UBAP2: variants seen among roughly 807,000 people sequenced by gnomAD.
UBAP2 encodes ubiquitin associated protein 2, also known as ubiquitin-associated protein 2.
UBAP2 carries 75 observed loss-of-function variants against 139.6 expected under a neutral mutation model. That is an observed-to-expected ratio of 0.54 (90% CI 0.45 to 0.65). The LOEUF (loss-of-function observed/expected upper bound fraction) is 0.65, where lower values mean the gene tolerates loss of function less well. Among genes scored for constraint, UBAP2 ranks in the 30% least tolerant of loss-of-function variants. The probability of loss-of-function intolerance (pLI) is 0.00; values close to 1 mark genes in which losing one functional copy is unlikely to be tolerated. For missense variants in UBAP2, 1,368 were observed against 1,369.6 expected, an observed-to-expected ratio of 1.00 and a Z score of 0.02; for synonymous variants, 526 against 526.2, an observed-to-expected ratio of 1.00 and a Z score of 0.01.
At chr9:34,034,787 T>C (rs1318446190) in intron 1 of UBAP2, among the ~76,000 whole-genome samples, 2 of 151,994 alleles carry the variant, frequency 1.3e-5, no homozygotes, top group African/African-American at 4.8e-5. Flanking sequence ...GGAGGAGAAT[T>C]GCTTCAACCT....
chr9:33,939,252 G>A (rs896901052), intron 16 of UBAP2, among the ~76,000 whole-genome samples: 3 of 131,432 alleles, frequency 2.3e-5, no homozygotes, highest in Non-Finnish European at 4.6e-5. Flanking sequence ...GGAGTGCAAC[G>A]GTGTGATCTC....
chr9:34,023,009 G>C (rs1001349110), intron 1 of UBAP2, among the ~76,000 whole-genome samples: 1 of 151,948 alleles, frequency 6.6e-6, no homozygotes. Context: ...GGCGGATCAC[G>C]AGGTCAGGAG....
chr9:34,038,802 G>A (rs916572649), intron 1 of UBAP2, among the ~76,000 whole-genome samples: 7 of 151,034 alleles, frequency 4.6e-5, no homozygotes, highest in South Asian at 4.2e-4. Flanking sequence ...AGTGAGGAGC[G>A]CCTCTTCCTG....
intron 8 of UBAP2, among the ~76,000 whole-genome samples, chr9:33,970,901 C>G (rs2131052161): frequency 6.6e-6 from 1 of 152,310 alleles, no homozygotes; most frequent in Non-Finnish European, 1.5e-5. Flanking sequence ...CTCCTGGGTT[C>G]AAGCGATTCT....
At chr9:34,028,126 C>A (rs1004837942) in intron 1 of UBAP2, among the ~76,000 whole-genome samples, 2 of 151,928 alleles carry the variant, frequency 1.3e-5, no homozygotes, top group Non-Finnish European at 2.9e-5. Context: ...AACTCCCCTA[C>A]ACCCACACTT....
rs144986572 is a variant in UBAP2, at chr9:33,923,401, A to G, written c.2874T>C (p.Tyr958=). The change falls in exon 25 of 29, where the codon TAT becomes TAC. Residue 958 remains tyrosine (Y), a synonymous_variant. Coordinates refer to ENST00000379238, the MANE Select transcript of UBAP2 (RefSeq NM_001370062.2). The part of the protein sequence containing the change: ...PTPPFQQASG[Y]GQHGYSTGYD... The stretch of plus-strand genomic sequence containing the variant: ...CACCTGTACTGTAGCCGTGCTGGCC[A>G]TAACCACTGGCCTGCTGGAAGGGAG... 6.3e-5 allele frequency: 102 copies of G among 1,614,052 alleles called. No individual in the cohort carries two copies. Among genetic ancestry groups the G allele is most frequent in the Non-Finnish European group, 8.4e-5 (99 of 1,180,034 alleles).
chr9:33,929,080 C>T (rs1823737061), intron 19 of UBAP2, among the ~76,000 whole-genome samples: 1 of 152,226 alleles, frequency 6.6e-6, no homozygotes, highest in Non-Finnish European at 1.5e-5. Context: ...GAGAGAGCCC[C>T]ACCAGGAGCG....
At chr9:34,028,505 A>T (rs185923820) in intron 1 of UBAP2, among the ~76,000 whole-genome samples, 1 of 151,732 alleles carries the variant, frequency 6.6e-6, no homozygotes, top group Non-Finnish European at 1.5e-5. Context: ...TCAGCCTCCC[A>T]AGTAGCTGGG....
intron 6 of UBAP2, among the ~76,000 whole-genome samples, chr9:33,977,529 G>A (rs1360568278): frequency 6.6e-6 from 1 of 152,040 alleles, no homozygotes; most frequent in African/African-American, 2.4e-5. Flanking sequence ...TAAAGATCCA[G>A]AGTCTTTTAA....
In UBAP2 at chr9:33,941,649, C is replaced by A. The variant is rs748352109; in HGVS notation, c.1929G>T (p.Met643Ile). 10 of 1,613,564 alleles carry A rather than the reference C, an allele frequency of 6.2e-6. No homozygotes were observed. The highest frequency in any genetic ancestry group is 1.6e-4 in the Middle Eastern group (1 of 6,084). Reference protein sequence around the residue: ...SSSESAPGTIMNGHGGGRSQQ... With the variant: ...SSSESAPGTIINGHGGGRSQQ... Reference sequence around the variant, plus strand: ...AGAAAAAAACTAAAATACCACTTACCATGATGGTTCCTGGAGCTGACTCTG... The same window carrying A: ...AGAAAAAAACTAAAATACCACTTACAATGATGGTTCCTGGAGCTGACTCTG... Residue 643 changes from methionine (M) to isoleucine (I), a missense_variant and splice_region_variant, in exon 16 of 29, where the codon ATG becomes ATT. Transcript: ENST00000379238.
In UBAP2 at chr9:33,941,617, T is replaced by A. The variant is rs1225387678; in HGVS notation, c.1929+32A>T. The A allele has an allele frequency of 1.9e-6, 3 of 1,555,132 alleles. No homozygotes were observed. The East Asian group carries it at 6.7e-5, about 35-fold the overall frequency. ...CATTAATTTCCAAATAAGACGGACA[T>A]CTTCTGAGAAAAAAACTAAAATACC... On this transcript the variant is annotated intron_variant, in intron 16 of 28. Transcript: ENST00000379238.
chr9:33,962,289 A>T (rs1443368672), intron 9 of UBAP2, among the ~76,000 whole-genome samples: 1 of 152,188 alleles, frequency 6.6e-6, no homozygotes, highest in Non-Finnish European at 1.5e-5. Context: ...AGTAAGTTAA[A>T]ACAGACTTTT....
At chr9:34,037,850 G>A (rs1334647506) in intron 1 of UBAP2, among the ~76,000 whole-genome samples, 3 of 151,938 alleles carry the variant, frequency 2.0e-5, no homozygotes, top group African/African-American at 7.3e-5. Flanking sequence ...AACCCCGACT[G>A]GATGGGAAAG....
intron 20 of UBAP2, among the ~76,000 whole-genome samples, chr9:33,927,527 C>G (rs1012354426): frequency 9.2e-5 from 14 of 152,208 alleles, no homozygotes; most frequent in African/African-American, 3.4e-4. Context: ...TAAGTCATCC[C>G]TGGCCCCTCC....
rs2131094287 is a variant in UBAP2, at chr9:33,979,913, A to G, written c.521-6676T>C. 1.3e-5 allele frequency among the ~76,000 whole-genome samples: 2 copies of G among 150,574 alleles called. 1 individual carries two copies. The highest frequency in any genetic ancestry group is 4.2e-4 in the South Asian group (2 of 4,732). ...CCGGTGAAACCCCATCTCTACTAAA[A>G]ATACAAAAAATTAGCCGGGCATGGT... On this transcript the variant is annotated intron_variant, in intron 6 of 28. Coordinates refer to ENST00000379238, the MANE Select transcript of UBAP2 (RefSeq NM_001370062.2).
intron 20 of UBAP2, among the ~76,000 whole-genome samples, 196 bp from the exon 21 acceptor site, chr9:33,927,276 T>C (rs958153501): frequency 2.0e-5 from 3 of 152,116 alleles, no homozygotes; most frequent in African/African-American, 2.4e-5. Context: ...ACTGAGGTTG[T>C]TTCAACGTCA....
At chr9:34,001,567 G>A (rs761333556) in intron 2 of UBAP2, among the ~76,000 whole-genome samples, 15 of 152,184 alleles carry the variant, frequency 9.9e-5, no homozygotes, top group Admixed American at 3.3e-4. Context: ...TGGGCAAGCG[G>A]TTTGTGCCCC....
chr9:33,925,683 G>A (rs554860009), intron 22 of UBAP2, among the ~76,000 whole-genome samples: 1 of 152,334 alleles, frequency 6.6e-6, no homozygotes, highest in South Asian at 2.1e-4. Flanking sequence ...AATACGGCCA[G>A]CCAGTGGAAA....
Position 33,963,706 on chromosome 9 carries a change from A to C in UBAP2, c.745+20T>G. On this transcript the variant is annotated intron_variant, in intron 9 of 28. Coordinates refer to ENST00000379238, the MANE Select transcript of UBAP2 (RefSeq NM_001370062.2). ...TATAAGATTCTTAATTTTAAAAATTAAAAAATTAAGTATTCATACCTTTGA... is the reference window on the plus strand; with the variant it reads ...TATAAGATTCTTAATTTTAAAAATTCAAAAATTAAGTATTCATACCTTTGA... 6.7e-7 allele frequency: 1 copy of C among 1,482,634 alleles called. No individual in the cohort carries two copies. Among genetic ancestry groups the C allele is most frequent in the Non-Finnish European group, 9.3e-7 (1 of 1,074,830 alleles). 91.8% of individuals were successfully genotyped at this position (1,482,634 alleles called of 1,614,324 possible).
Sources: gnomAD v4.1 joint callset for allele counts (sites outside exome capture counted in the v4.1 genomes callset) on GRCh38, gnomAD v4.1.1 for gene constraint, MANE v1.5 for transcripts, NCBI Gene and HGNC (gene_info 2026-07-23, HGNC 2026-07-21) for gene names.